The following PLXDC2 variants were observed in gnomAD, a reference collection of about 807,000 sequenced individuals.
PLXDC2 encodes the protein plexin domain containing 2.
A neutral mutation model predicts 68.9 loss-of-function variants in PLXDC2; 40 were observed. The ratio of observed to expected loss-of-function variants is 0.58; its 90% confidence interval spans 0.45 to 0.76. The LOEUF (loss-of-function observed/expected upper bound fraction) is 0.76, where lower values mean the gene tolerates loss of function less well. PLXDC2 is among the 30% of genes least tolerant of loss of function. PLXDC2 has a pLI of 0.00. For missense variants in PLXDC2, 644 were observed against 661.9 expected (o/e 0.97, Z 0.30); for synonymous variants, 243 against 234.2 (o/e 1.04, Z -0.34).
chr10:20,197,222 A>T (rs1227558104), intron 9 of PLXDC2, among the ~76,000 whole-genome samples: 1 of 152,220 alleles, frequency 6.6e-6, no homozygotes, highest in Non-Finnish European at 1.5e-5. Flanking sequence ...AGTAAAAAAT[A>T]TGCAACATTT....
At chr10:19,831,586 C>T (rs1258165421) in intron 1 of PLXDC2, among the ~76,000 whole-genome samples, 1 of 152,134 alleles carries the variant, frequency 6.6e-6, no homozygotes, top group Non-Finnish European at 1.5e-5. Flanking sequence ...TCACTCCTCC[C>T]ACTCTCCGCC....
intron 2 of PLXDC2, among the ~76,000 whole-genome samples, chr10:20,011,445 T>C (rs1406559569): frequency 3.9e-5 from 6 of 152,160 alleles, no homozygotes; most frequent in African/African-American, 1.4e-4. Context: ...GCCAGCAGTT[T>C]AGCAAAGTGT....
chr10:20,150,020 G>A (rs1001196425), intron 6 of PLXDC2, among the ~76,000 whole-genome samples: 5 of 152,122 alleles, frequency 3.3e-5, no homozygotes, highest in African/African-American at 9.7e-5. Context: ...TTGTCCTGCT[G>A]AACATCCTCC....
chr10:19,827,973 A>G (rs961738644), intron 1 of PLXDC2, among the ~76,000 whole-genome samples: 3 of 152,218 alleles, frequency 2.0e-5, no homozygotes, highest in Non-Finnish European at 4.4e-5. Context: ...CTAACCATAC[A>G]TCTAATTGTT....
rs74892791 is a variant in PLXDC2, at chr10:19,831,313, C to T, written c.112+14122C>T. Among the ~76,000 whole-genome samples the T allele has an allele frequency of 2.6e-5, 4 of 152,184 alleles. No homozygotes were observed. In the South Asian group the frequency reaches 6.2e-4, roughly 24 times the overall value. ...TTTTCTCATCTTTCTTGGTGTTTCA[C>T]TTACTGTCTTCCTTTATTTGGCTAG... On this transcript the variant is annotated intron_variant, in intron 1 of 13. Coordinates refer to ENST00000377252, the MANE Select transcript of PLXDC2 (RefSeq NM_032812.9).
intron 13 of PLXDC2, among the ~76,000 whole-genome samples, chr10:20,261,095 C>T (rs913972990): frequency 6.6e-6 from 1 of 152,140 alleles, no homozygotes; most frequent in African/African-American, 2.4e-5. Context: ...TAGCTACTAA[C>T]CCCTTACTCA....
chr10:19,846,184 A>G (rs1236365216), intron 1 of PLXDC2, among the ~76,000 whole-genome samples: 7 of 152,230 alleles, frequency 4.6e-5, no homozygotes, highest in African/African-American at 1.7e-4. Context: ...AAGAATAAAT[A>G]TAAACCTGAT....
At chr10:20,209,521 T>C (rs1186236117) in intron 9 of PLXDC2, among the ~76,000 whole-genome samples, 1 of 81,056 alleles carries the variant, frequency 1.2e-5, no homozygotes, top group Non-Finnish European at 2.5e-5. Flanking sequence ...AAACTTAAAG[T>C]ATAATAATAA....
intron 3 of PLXDC2, among the ~76,000 whole-genome samples, chr10:20,054,819 G>C (rs1198624219): frequency 6.6e-6 from 1 of 151,622 alleles, no homozygotes; most frequent in Non-Finnish European, 1.5e-5. Flanking sequence ...TAACCTTCAC[G>C]TTGTGCACAT....
chr10:19,982,672 T>G (rs1834571486), intron 1 of PLXDC2, among the ~76,000 whole-genome samples: 2 of 152,286 alleles, frequency 1.3e-5, no homozygotes, highest in South Asian at 2.1e-4. Context: ...TTTGTTGTTC[T>G]TTTTTGAGAT....
chr10:20,090,794 A>C (rs1833265822), intron 4 of PLXDC2, among the ~76,000 whole-genome samples: 1 of 152,214 alleles, frequency 6.6e-6, no homozygotes, highest in Admixed American at 6.5e-5. Flanking sequence ...ATTACCCCAC[A>C]AAATATATCT....
chr10:19,906,009 A>C (rs1833151101), intron 1 of PLXDC2, among the ~76,000 whole-genome samples: 2 of 152,038 alleles, frequency 1.3e-5, no homozygotes, highest in East Asian at 1.9e-4. Flanking sequence ...AAAAAAAAAA[A>C]CAACTCAAAT....
chr10:19,967,796 G>A (rs1439673974), intron 1 of PLXDC2, among the ~76,000 whole-genome samples: 1 of 152,162 alleles, frequency 6.6e-6, no homozygotes, highest in South Asian at 2.1e-4. Context: ...AGTGAATGTA[G>A]CATTAGGCTA....
At chr10:20,090,247 T>G (rs1401306577) in intron 4 of PLXDC2, among the ~76,000 whole-genome samples, 1 of 152,204 alleles carries the variant, frequency 6.6e-6, no homozygotes, top group African/African-American at 2.4e-5. Flanking sequence ...TACCAGGTTA[T>G]TTTTTCAAGT....
chr10:19,831,211 T>C (rs536818104), intron 1 of PLXDC2, among the ~76,000 whole-genome samples: 33 of 152,292 alleles, frequency 2.2e-4, no homozygotes, highest in African/African-American at 7.9e-4. Flanking sequence ...ATATTCTTTC[T>C]TCTCTGTTGG....
At chr10:19,843,321 G>A (rs1357862093) in intron 1 of PLXDC2, among the ~76,000 whole-genome samples, 1 of 152,046 alleles carries the variant, frequency 6.6e-6, no homozygotes, top group African/African-American at 2.4e-5. Context: ...ATTATTCAAT[G>A]TCAATTTATC....
intron 10 of PLXDC2, among the ~76,000 whole-genome samples, chr10:20,214,754 A>G (rs1290266820): frequency 1.3e-5 from 2 of 152,158 alleles, no homozygotes; most frequent in South Asian, 4.1e-4. Flanking sequence ...GCCAAAAGCA[A>G]TCTGAGCCTA....
chr10:20,078,728 A>C (rs1233587685), intron 4 of PLXDC2, among the ~76,000 whole-genome samples: 1 of 59,876 alleles, frequency 1.7e-5, no homozygotes, highest in Non-Finnish European at 2.6e-5. Context: ...TGTAATAATA[A>C]TTATAAGGAG....
intron 1 of PLXDC2, among the ~76,000 whole-genome samples, chr10:19,925,955 C>A (rs1833532184): frequency 6.6e-6 from 1 of 152,194 alleles, no homozygotes; most frequent in Non-Finnish European, 1.5e-5. Flanking sequence ...GATCCGCTGG[C>A]ATTAGAGAGC....
Sources: gnomAD v4.1 joint callset for allele counts (sites outside exome capture counted in the v4.1 genomes callset) on GRCh38, gnomAD v4.1.1 for gene constraint, MANE v1.5 for transcripts, NCBI Gene and HGNC (gene_info 2026-07-23, HGNC 2026-07-21) for gene names.